SCYL2: variants seen among roughly 807,000 people sequenced by gnomAD.
SCYL2 encodes SCY1-like protein 2.
A neutral mutation model predicts 100.4 loss-of-function variants in SCYL2; 36 were observed. The observed-to-expected ratio is 0.36, with a 90% CI of 0.27 to 0.47. The LOEUF is 0.47. Ranked by LOEUF, SCYL2 falls within the 20% of genes least tolerant of loss-of-function variation. SCYL2 has a pLI of 1.00. For missense variants in SCYL2, 902 were observed against 1,083.9 expected, an observed-to-expected ratio of 0.83 and a Z score of 2.36; for synonymous variants, 330 against 359.2, an observed-to-expected ratio of 0.92 and a Z score of 0.92.
At chr12:100,303,877 A>G (rs150800806) in intron 4 of SCYL2, among the ~76,000 whole-genome samples, 2,414 of 152,194 alleles carry the variant, frequency 0.016, 33 homozygotes, top group Non-Finnish European at 0.022. Flanking sequence ...CTTCCCTCAA[A>G]TGCTCTGTCT....
chr12:100,269,042 T>A (rs751089929), intron 1 of SCYL2, among the ~76,000 whole-genome samples: 26 of 152,352 alleles, frequency 1.7e-4, no homozygotes, highest in Non-Finnish European at 3.1e-4. Flanking sequence ...TACTGTGGTC[T>A]CCTGTAGTTT....
chr12:100,307,286 CA>C (rs2096335795), intron 4 of SCYL2, among the ~76,000 whole-genome samples: 1 of 152,086 alleles, frequency 6.6e-6, no homozygotes, highest in African/African-American at 2.4e-5. Context: ...GTACTGATAC[CA>C]AAACAGATAC....
intron 9 of SCYL2, among the ~76,000 whole-genome samples, chr12:100,317,343 G>A (rs973611276): frequency 4.6e-5 from 7 of 152,094 alleles, no homozygotes; most frequent in African/African-American, 7.2e-5. Flanking sequence ...TGTTTCAGCC[G>A]CCCAAATAGC....
At chr12:100,294,337 G>A (rs2096314744) in intron 3 of SCYL2, among the ~76,000 whole-genome samples, 1 of 108,514 alleles carries the variant, frequency 9.2e-6, no homozygotes, top group Non-Finnish European at 2.0e-5. Context: ...CGGCTGGGCA[G>A]AGGCGCCCCT....
At chr12:100,319,992 C>T (rs781050514) in intron 10 of SCYL2, among the ~76,000 whole-genome samples, 14 of 152,022 alleles carry the variant, frequency 9.2e-5, no homozygotes, top group Admixed American at 2.6e-4. Context: ...AACATTTGGA[C>T]GGGTAGAAGA....
intron 1 of SCYL2, among the ~76,000 whole-genome samples, chr12:100,281,511 C>G (rs2096298345): frequency 6.6e-6 from 1 of 151,974 alleles, no homozygotes; most frequent in African/African-American, 2.4e-5. Context: ...GGCAGCATAG[C>G]AGTACCCTGT....
intron 12 of SCYL2, chr12:100,327,091 C>T (rs1213720360): frequency 3.4e-6 from 1 of 298,028 alleles, no homozygotes; most frequent in African/African-American, 2.2e-5. Flanking sequence ...ATTTGATACT[C>T]AATTTGTAAG....
intron 4 of SCYL2, among the ~76,000 whole-genome samples, chr12:100,300,798 T>G (rs1167662464): frequency 2.6e-5 from 4 of 152,212 alleles, no homozygotes; most frequent in African/African-American, 9.7e-5. Context: ...TGACACCCAG[T>G]TCCATCTATG....
intron 3 of SCYL2, among the ~76,000 whole-genome samples, chr12:100,294,155 G>A (rs1263018352): frequency 7.0e-6 from 1 of 141,846 alleles, no homozygotes; most frequent in Non-Finnish European, 1.6e-5. Flanking sequence ...GCCGGGCGGG[G>A]GGCTGACTCC....
chr12:100,329,406 A>T (rs924847770), intron 13 of SCYL2, 87 bp downstream of exon 13: 9 of 364,006 alleles, frequency 2.5e-5, no homozygotes, highest in Non-Finnish European at 4.0e-5. Flanking sequence ...AAGATTGGTT[A>T]AAAAAAAAAG....
rs1301642708 is a variant in SCYL2, at chr12:100,338,512, C to A, written c.2146-16C>A. On this transcript the variant is annotated splice_polypyrimidine_tract_variant and intron_variant, in intron 17 of 17. Transcript: ENST00000360820. ...TATATTTCTTAGAGATAAAGTAATT[C>A]TCTCATATTTTTCAGACTAAGGACT... is the stretch of plus-strand genomic sequence containing the variant. The A allele has an allele frequency of 1.4e-5, 21 of 1,526,310 alleles. No homozygotes were observed. Among genetic ancestry groups the A allele is most frequent in the Non-Finnish European group, 1.7e-5 (19 of 1,128,104 alleles). 94.5% of individuals were successfully genotyped at this position (1,526,310 alleles called of 1,614,324 possible). A position where few individuals can be genotyped will look rare whatever the true frequency, so the allele number is the denominator to read the frequency against.
In SCYL2 at chr12:100,282,941, A is replaced by C. The variant is rs1013375499; in HGVS notation, c.-28-2A>C. ...TTCTCCACTATCCTTCTGTTTTTCT[A>C]GGTAACTATAACTACCCAATATTGC... On this transcript the variant is annotated splice_acceptor_variant, in intron 1 of 17. Coordinates refer to ENST00000360820, the MANE Select transcript of SCYL2 (RefSeq NM_017988.6). LOFTEE classifies it low-confidence loss of function (5UTR_SPLICE). The C allele has an allele frequency of 2.8e-6, 4 of 1,445,070 alleles. No homozygotes were observed. Among genetic ancestry groups the C allele is most frequent in the Non-Finnish European group, 3.8e-6 (4 of 1,056,514 alleles). 89.5% of individuals were successfully genotyped at this position (1,445,070 alleles called of 1,614,324 possible).
At chr12:100,276,930 AATTTTC>A (rs777836914) in intron 1 of SCYL2, among the ~76,000 whole-genome samples, 1 of 151,958 alleles carries the variant, frequency 6.6e-6, no homozygotes, top group Non-Finnish European at 1.5e-5. Flanking sequence ...ATGACCCACA[AATTTTC>A]ATTTTCATTT....
intron 1 of SCYL2, among the ~76,000 whole-genome samples, chr12:100,275,480 A>G (rs139511263): frequency 1.1e-4 from 17 of 152,298 alleles, no homozygotes; most frequent in Non-Finnish European, 2.1e-4. Context: ...ACAGGCATGA[A>G]TTACTATGCC....
intron 4 of SCYL2, 133 bp from the exon 5 acceptor site, chr12:100,310,911 A>G: frequency 1.3e-6 from 1 of 778,624 alleles, no homozygotes; most frequent in Non-Finnish European, 1.9e-6. Flanking sequence ...GGTATTTATG[A>G]TGAAATTTGA....
chr12:100,285,154 C>T (rs2135837856), intron 2 of SCYL2, among the ~76,000 whole-genome samples: 1 of 152,230 alleles, frequency 6.6e-6, no homozygotes, highest in South Asian at 2.1e-4. Context: ...AGCATCCGGA[C>T]CAATAAAAAA....
At chr12:100,335,035 G>A (rs1592972936) in intron 14 of SCYL2, among the ~76,000 whole-genome samples, 2 of 152,144 alleles carry the variant, frequency 1.3e-5, no homozygotes, top group East Asian at 3.9e-4. Flanking sequence ...ATAGCCCTTT[G>A]TATGCTTGAA....
At chr12:100,294,405 G>C (rs1269274709) in intron 3 of SCYL2, among the ~76,000 whole-genome samples, 1 of 96,378 alleles carries the variant, frequency 1.0e-5, no homozygotes, top group South Asian at 4.1e-4. Context: ...CCTCCCTCCC[G>C]GACGGGGCGG....
chr12:100,275,383 T>C (rs2096291492), intron 1 of SCYL2, among the ~76,000 whole-genome samples: 1 of 152,062 alleles, frequency 6.6e-6, no homozygotes, highest in South Asian at 2.1e-4. Flanking sequence ...TAAAAACTTT[T>C]TGGAGTCTTG....
Sources: gnomAD v4.1 joint callset for allele counts (sites outside exome capture counted in the v4.1 genomes callset) on GRCh38, gnomAD v4.1.1 for gene constraint, MANE v1.5 for transcripts, NCBI Gene and HGNC (gene_info 2026-07-23, HGNC 2026-07-21) for gene names.